The following ESRRG variants were observed in gnomAD, a reference collection of about 807,000 sequenced individuals.
ESRRG encodes the protein estrogen-related receptor gamma.
A neutral mutation model predicts 44.0 loss-of-function variants in ESRRG; 13 were observed. The observed-to-expected ratio is 0.30, with a 90% CI of 0.19 to 0.47. ESRRG has a LOEUF of 0.47. ESRRG is among the 20% of genes least tolerant of loss of function. The probability of loss-of-function intolerance (pLI) is 1.00; values close to 1 mark genes in which losing one functional copy is unlikely to be tolerated. For missense variants in ESRRG, 395 were observed against 580.6 expected (o/e 0.68, Z 3.29); for synonymous variants, 215 against 214.6 (o/e 1.00, Z -0.02).
chr1:216,851,655 T>C lies in ESRRG; in HGVS notation c.-14+87927A>G, dbSNP rs537457905. On this transcript the variant is annotated intron_variant, in intron 2 of 7. Coordinates refer to the ESRRG transcript ENST00000359162. ...ATCTCAGACTTTCAGCCTCCAGAAC[T>C]GTAAGAAATTAAATTTCTGTTGTTT... 6.6e-5 allele frequency among the ~76,000 whole-genome samples: 10 copies of C among 152,274 alleles called. 1 individual carries two copies. In the South Asian group the frequency reaches 2.1e-3, roughly 32 times the overall value.
At chr1:216,693,774 G>A (rs1399309236) in intron 1 of ESRRG, among the ~76,000 whole-genome samples, 1 of 152,168 alleles carries the variant, frequency 6.6e-6, no homozygotes, top group Non-Finnish European at 1.5e-5. Context: ...AGAGCCCACA[G>A]ACATGGAGAA....
intron 1 of ESRRG, among the ~76,000 whole-genome samples, chr1:216,948,043 AAG>A (rs3045740): frequency 0.12 from 17,750 of 152,174 alleles, 2,304 homozygotes; most frequent in African/African-American, 0.32. Flanking sequence ...CATCACTTGA[AAG>A]AGACTCACCC....
intron 2 of ESRRG, among the ~76,000 whole-genome samples, chr1:216,751,988 C>T (rs1339350): frequency 0.76 from 115,838 of 152,012 alleles, 45,357 homozygotes; most frequent in South Asian, 0.9. Context: ...GTCGTCCACT[C>T]TCTACACGAT....
At chr1:216,521,444 T>C (rs1341583336) in intron 5 of ESRRG, among the ~76,000 whole-genome samples, 1 of 146,804 alleles carries the variant, frequency 6.8e-6, no homozygotes, top group East Asian at 2.0e-4. Flanking sequence ...TTGTGTAAAT[T>C]AAAATACCAA....
chr1:217,033,166 G>C (rs540798715), intron 1 of ESRRG, among the ~76,000 whole-genome samples: 1 of 152,326 alleles, frequency 6.6e-6, no homozygotes, highest in East Asian at 1.9e-4. Context: ...GAAATGTAGT[G>C]GCCGATGCCC....
chr1:216,858,305 C>T (rs925408106), intron 2 of ESRRG, among the ~76,000 whole-genome samples: 7 of 150,064 alleles, frequency 4.7e-5, no homozygotes, highest in South Asian at 4.2e-4. Flanking sequence ...GGCGTGGTGG[C>T]GGGTGCCTGT....
chr1:216,682,709 A>AGT (rs72420221), intron 1 of ESRRG, among the ~76,000 whole-genome samples: 27,716 of 144,662 alleles, frequency 0.19, 2,969 homozygotes, highest in East Asian at 0.39. Flanking sequence ...AATACTCTAT[A>AGT]GTGTGTGTGT....
intron 5 of ESRRG, among the ~76,000 whole-genome samples, chr1:216,527,469 T>G (rs534607288): frequency 9.2e-4 from 140 of 152,296 alleles, no homozygotes; most frequent in African/African-American, 3.1e-3. Context: ...TGAAACTCTC[T>G]GGTAGAACAC....
chr1:216,601,690 A>C (rs1445113276), intron 3 of ESRRG, among the ~76,000 whole-genome samples: 3 of 152,144 alleles, frequency 2.0e-5, no homozygotes, highest in Non-Finnish European at 2.9e-5. Context: ...CACAAGTTGG[A>C]ATATTATTTC....
Position 216,901,767 on chromosome 1 carries a change from T to A in ESRRG, c.-14+37815A>T, listed in dbSNP as rs565475933. On this transcript the variant is annotated intron_variant, in intron 2 of 7. Coordinates refer to the ESRRG transcript ENST00000359162. ...GCAAAGTGCCTACTGATACTTCTTT[T>A]ATTTTTTTCAGGGACAGGGTCTCAC... Among the ~76,000 whole-genome samples the A allele has an allele frequency of 2.0e-5, 3 of 151,886 alleles. No individual in the cohort carries two copies. In the East Asian group the frequency reaches 5.8e-4, roughly 30 times the overall value.
chr1:216,581,896 C>G (rs1432778809), intron 3 of ESRRG, among the ~76,000 whole-genome samples: 1 of 152,208 alleles, frequency 6.6e-6, no homozygotes. Context: ...GTGTGGCCCT[C>G]AGGCCACCCG....
rs543774256 is a variant in ESRRG, at chr1:216,679,748, C to T, written c.57-2257G>A. 5.3e-5 allele frequency among the ~76,000 whole-genome samples: 8 copies of T among 151,376 alleles called. No individual in the cohort carries two copies. In the South Asian group the frequency reaches 1.7e-3, roughly 32 times the overall value. On this transcript the variant is annotated intron_variant, in intron 1 of 6. Coordinates refer to ENST00000408911, the MANE Select transcript of ESRRG (RefSeq NM_001438.4). ...CCTGTATCTTCCATGGTCACTTTCA[C>T]CCCAATTTTCTTTTTTTCAGGCTCT... is the stretch of plus-strand genomic sequence containing the variant.
Position 216,905,377 on chromosome 1 carries a change from C to A in ESRRG, c.-14+34205G>T, listed in dbSNP as rs141187696. Among the ~76,000 whole-genome samples the A allele has an allele frequency of 3.5e-3, 530 of 152,172 alleles. 4 individuals are homozygous for A. The highest frequency in any genetic ancestry group is 0.013 in the African/African-American group (522 of 41,522). Reference sequence around the variant, plus strand: ...GCCTTTGCACTTGCTCTTCAGTCTGCCAAGAACATTCCACCCTCAAATCTT... The same window carrying A: ...GCCTTTGCACTTGCTCTTCAGTCTGACAAGAACATTCCACCCTCAAATCTT... On this transcript the variant is annotated intron_variant, in intron 2 of 7. Transcript: ENST00000359162.
intron 1 of ESRRG, 86 bp downstream of exon 1, chr1:216,723,158 G>C (rs998452468): frequency 5.3e-5 from 60 of 1,136,064 alleles, no homozygotes; most frequent in South Asian, 3.3e-4. Flanking sequence ...GGCATTACCT[G>C]AATCAGTGTG....
intron 2 of ESRRG, among the ~76,000 whole-genome samples, chr1:216,671,565 T>A (rs547446814): frequency 2.0e-5 from 3 of 152,332 alleles, no homozygotes; most frequent in East Asian, 3.9e-4. Context: ...GTCAAGTACT[T>A]CGATATTCAT....
chr1:216,698,244 G>A (rs1174546405), intron 1 of ESRRG, among the ~76,000 whole-genome samples: 17 of 152,006 alleles, frequency 1.1e-4, no homozygotes, highest in South Asian at 4.1e-4. Flanking sequence ...TTGGCGGGGC[G>A]CGGTGGCTCA....
intron 1 of ESRRG, among the ~76,000 whole-genome samples, chr1:217,052,816 C>T (rs2086288176): frequency 6.6e-6 from 1 of 152,140 alleles, no homozygotes; most frequent in Admixed American, 6.6e-5. Flanking sequence ...CCGAGGCAGT[C>T]TGGGGCAGCT....
At chr1:217,094,015 TA>T (rs1327893829), upstream of ESRRG, among the ~76,000 whole-genome samples, 1 of 152,078 alleles carries the variant, frequency 6.6e-6, no homozygotes, top group Non-Finnish European at 1.5e-5. Context: ...CTGGAGCAGC[TA>T]GGACTACAGG....
At chr1:216,777,075 G>T (rs958886799) in intron 2 of ESRRG, among the ~76,000 whole-genome samples, 10 of 152,138 alleles carry the variant, frequency 6.6e-5, no homozygotes, top group Admixed American at 1.3e-4. Flanking sequence ...GGTACTACTG[G>T]CATGATCCAT....
Sources: gnomAD v4.1 joint callset for allele counts (sites outside exome capture counted in the v4.1 genomes callset) on GRCh38, gnomAD v4.1.1 for gene constraint, MANE v1.5 for transcripts, NCBI Gene and HGNC (gene_info 2026-07-23, HGNC 2026-07-21) for gene names.